The following SEMA3A variants were observed in gnomAD, a reference collection of about 807,000 sequenced individuals.
The protein encoded by SEMA3A is semaphorin 3A, also known as semaphorin-3A.
In SEMA3A, 29 loss-of-function variants were observed where a neutral mutation model predicts 97.9. The ratio of observed to expected loss-of-function variants is 0.30; its 90% CI spans 0.22 to 0.40. The LOEUF (loss-of-function observed/expected upper bound fraction) is 0.40. SEMA3A is among the 10% of genes least tolerant of loss of function. The pLI, the probability that SEMA3A is intolerant of heterozygous loss-of-function variation, is 1.00. For synonymous variants in SEMA3A, 321 were observed against 323.7 expected (o/e 0.99, Z 0.09); for missense variants, 763 against 951.3 (o/e 0.80, Z 2.60).
intron 1 of SEMA3A, among the ~76,000 whole-genome samples, chr7:84,481,614 G>T (rs972561944): frequency 4.6e-5 from 7 of 151,838 alleles, no homozygotes; most frequent in Admixed American, 4.6e-4. Flanking sequence ...TGCTAAATAT[G>T]GTTTCTTATG....
At position 84,397,473 on chromosome 7, in the gene SEMA3A, TTA is replaced by T. The variant is rs1188779386; in HGVS notation, c.-245-25575_-245-25574del. Among the ~76,000 whole-genome samples, 3 of 148,234 alleles carry T rather than the reference TTA, an allele frequency of 2.0e-5. No individual in the cohort carries two copies. In the East Asian group the frequency reaches 5.9e-4, roughly 29 times the overall value. On this transcript the variant is annotated intron_variant, in intron 1 of 3. Transcript: ENST00000424555. ...ATATATAACGTATACATAATATGTA[TTA>T]TATATAACATGTATACAATACATGT...
chr7:84,092,007 C>T (rs1198607495), intron 4 of SEMA3A, among the ~76,000 whole-genome samples: 1 of 152,034 alleles, frequency 6.6e-6, no homozygotes, highest in African/African-American at 2.4e-5. Context: ...GCAGAGTACC[C>T]TAAGAATACT....
At chr7:84,308,826 T>TTTTC (rs1801234332) in intron 2 of SEMA3A, among the ~76,000 whole-genome samples, 1 of 150,806 alleles carries the variant, frequency 6.6e-6, no homozygotes, top group Non-Finnish European at 1.5e-5. Flanking sequence ...TTTTTTTTCT[T>TTTTC]TTTTTTTTGA....
At chr7:84,024,418 CA>C (rs1791466953) in intron 6 of SEMA3A, among the ~76,000 whole-genome samples, 4 of 151,740 alleles carry the variant, frequency 2.6e-5, no homozygotes, top group Admixed American at 2.6e-4. Flanking sequence ...TGGTGGCACA[CA>C]CCTATAATCC....
chr7:84,466,978 A>G (rs1046584385), intron 1 of SEMA3A, among the ~76,000 whole-genome samples: 1 of 152,168 alleles, frequency 6.6e-6, no homozygotes, highest in African/African-American at 2.4e-5. Flanking sequence ...AAACTGGATT[A>G]TTAGTGTTCA....
intron 3 of SEMA3A, among the ~76,000 whole-genome samples, chr7:84,288,899 G>A (rs1800665827): frequency 6.6e-6 from 1 of 151,958 alleles, no homozygotes; most frequent in Non-Finnish European, 1.5e-5. Flanking sequence ...AAGCTAAAGA[G>A]CTTACACACT....
At chr7:83,971,085 AATTC>A (rs1305496561) in intron 15 of SEMA3A, among the ~76,000 whole-genome samples, 10 of 152,180 alleles carry the variant, frequency 6.6e-5, no homozygotes, top group Non-Finnish European at 1.3e-4. Flanking sequence ...AAAACAAAAA[AATTC>A]ATTCATTCTT....
intron 2 of SEMA3A, among the ~76,000 whole-genome samples, chr7:84,313,229 C>T (rs1801390040): frequency 6.9e-6 from 1 of 144,008 alleles, no homozygotes; most frequent in Admixed American, 7.0e-5. Context: ...AAAATATTTC[C>T]CTCTCTTTCT....
intron 2 of SEMA3A, among the ~76,000 whole-genome samples, chr7:84,312,913 TATATATATACACAC>T (rs1478505996): frequency 2.0e-5 from 1 of 49,728 alleles, no homozygotes; most frequent in Non-Finnish European, 5.2e-5. Context: ...TATATATATA[TATATATATACACAC>T]ACACACACAC....
intron 4 of SEMA3A, among the ~76,000 whole-genome samples, chr7:84,089,271 C>T (rs564217978): frequency 3.9e-5 from 6 of 152,072 alleles, no homozygotes; most frequent in African/African-American, 9.7e-5. Context: ...CTGTTGTATA[C>T]GCACATATAA....
intron 1 of SEMA3A, among the ~76,000 whole-genome samples, chr7:84,171,837 T>A (rs1356759294): frequency 6.6e-6 from 1 of 152,168 alleles, no homozygotes; most frequent in African/African-American, 2.4e-5. Context: ...TTTATTCTGC[T>A]TAAATTGAAA....
intron 1 of SEMA3A, among the ~76,000 whole-genome samples, chr7:84,159,071 T>C (rs948657379): frequency 6.6e-5 from 10 of 152,076 alleles, no homozygotes; most frequent in African/African-American, 1.2e-4. Context: ...GATAAATTCA[T>C]GACTTCACAT....
At chr7:84,199,312 C>A (rs1798302728), upstream of SEMA3A, among the ~76,000 whole-genome samples, 2 of 152,134 alleles carry the variant, frequency 1.3e-5, no homozygotes, top group Non-Finnish European at 1.5e-5. Flanking sequence ...TGCAAATCAC[C>A]TTCCATACCC....
intron 14 of SEMA3A, among the ~76,000 whole-genome samples, chr7:83,980,605 A>AAAAAAAAAAAAAACAAAC (rs1267149205): frequency 2.1e-5 from 1 of 47,546 alleles, no homozygotes; most frequent in Non-Finnish European, 4.4e-5. Context: ...CTCCATCTCA[A>AAAAAAAAAAAAAACAAAC]AAAAAAAAAA....
rs141049108 is a variant in SEMA3A at position 84,104,061 on chromosome 7, A to T, written c.453+6409T>A. On this transcript the variant is annotated intron_variant, in intron 4 of 16. Transcript: ENST00000265362. ...AGTAAATGTAAAAGCTTTGATCCAA[A>T]CTAGGTATTAGTCTACAAGGAATAG... Among the ~76,000 whole-genome samples, 613 of 152,124 alleles carry T rather than the reference A, an allele frequency of 4.0e-3. 4 individuals carry two copies. The highest frequency in any genetic ancestry group is 0.014 in the African/African-American group (575 of 41,544).
intron 1 of SEMA3A, among the ~76,000 whole-genome samples, chr7:84,187,155 A>C (rs773251184): frequency 6.6e-6 from 1 of 152,238 alleles, no homozygotes; most frequent in African/African-American, 2.4e-5. Context: ...CAGAGAGCCA[A>C]GTCTGGATTC....
intron 4 of SEMA3A, among the ~76,000 whole-genome samples, chr7:84,095,358 C>CACACATATATATATATAT (rs1211794166): frequency 6.5e-5 from 8 of 122,904 alleles, no homozygotes; most frequent in Admixed American, 2.4e-4. Flanking sequence ...TTTTTATATA[C>CACACATATATATATATAT]ATATATATAT....
At chr7:84,119,838 T>C (rs1795549095) in intron 3 of SEMA3A, among the ~76,000 whole-genome samples, 1 of 152,116 alleles carries the variant, frequency 6.6e-6, no homozygotes, top group Non-Finnish European at 1.5e-5. Context: ...AAGGAACTGG[T>C]CAAATCATGA....
intron 1 of SEMA3A, among the ~76,000 whole-genome samples, chr7:84,487,420 G>T (rs980526254): frequency 6.6e-6 from 1 of 152,072 alleles, no homozygotes; most frequent in Non-Finnish European, 1.5e-5. Context: ...GCAATGTCTA[G>T]GTCTGCAGTG....
Sources: gnomAD v4.1 joint callset for allele counts (sites outside exome capture counted in the v4.1 genomes callset) on GRCh38, gnomAD v4.1.1 for gene constraint, MANE v1.5 for transcripts, NCBI Gene and HGNC (gene_info 2026-07-23, HGNC 2026-07-21) for gene names.